SHQ1: variants seen among roughly 807,000 people sequenced by gnomAD.
SHQ1 encodes protein SHQ1 homolog.
A neutral mutation model predicts 53.8 loss-of-function variants in SHQ1; 49 were observed. The observed-to-expected ratio is 0.91, with a 90% CI of 0.72 to 1.16. The LOEUF is 1.16. SHQ1 is among the 50% of genes most tolerant of loss of function. SHQ1 has a pLI of 0.00. For synonymous variants in SHQ1, 243 were observed against 251.0 expected, an observed-to-expected ratio of 0.97 and a Z score of 0.30; for missense variants, 738 against 683.1, an observed-to-expected ratio of 1.08 and a Z score of -0.90.
chr3:72,750,364 C>A lies in SHQ1; in HGVS notation c.1654G>T (p.Val552Phe). 6.2e-7 allele frequency: 1 copy of A among 1,614,090 alleles called. No homozygotes were observed. The highest frequency in any genetic ancestry group is 8.5e-7 in the Non-Finnish European group (1 of 1,180,022). Residue 552 changes from valine (V) to phenylalanine (F), a missense_variant, in exon 11 of 11, where the codon GTT becomes TTT. By Grantham distance (50) the Val-to-Phe change is conservative (BLOSUM62 -1). Transcript: ENST00000325599. ...LGEQLKTTVQVSEPKGTTAVN... is the reference protein window; with the variant it reads ...LGEQLKTTVQFSEPKGTTAVN... ...GCAGTGGTGCCCTTGGGTTCAGAAACCTGAACTGTAGTCTTCAGTTGTTCC... is the reference window on the plus strand; with the variant it reads ...GCAGTGGTGCCCTTGGGTTCAGAAAACTGAACTGTAGTCTTCAGTTGTTCC...
the SHQ1 span, among the ~76,000 whole-genome samples, chr3:72,737,668 G>GT: frequency 6.6e-6 from 1 of 152,158 alleles, no homozygotes; most frequent in Non-Finnish European, 1.5e-5. Context: ...CTAATACAAT[G>GT]TAAGTGCTAT....
chr3:72,778,927 A>G (rs1341830451), intron 10 of SHQ1, among the ~76,000 whole-genome samples: 1 of 152,164 alleles, frequency 6.6e-6, no homozygotes, highest in African/African-American at 2.4e-5. Context: ...CTTCTTCCTC[A>G]TTCTCTAAAT....
intron 10 of SHQ1, among the ~76,000 whole-genome samples, chr3:72,763,056 CACACACAG>C (rs1238680997): frequency 1.3e-3 from 173 of 131,004 alleles, no homozygotes; most frequent in Middle Eastern, 3.6e-3. Context: ...CACACACACA[CACACACAG>C]AGAGAGAGAG....
rs553627721 is a variant in SHQ1, at chr3:72,778,675, T to C, written c.1181+14241A>G. 1.9e-3 allele frequency among the ~76,000 whole-genome samples: 286 copies of C among 152,222 alleles called. 1 individual carries two copies. The highest frequency in any genetic ancestry group is 6.6e-3 in the African/African-American group (273 of 41,532). On this transcript the variant is annotated intron_variant, in intron 10 of 10. Coordinates refer to ENST00000325599, the MANE Select transcript of SHQ1 (RefSeq NM_018130.3). Reference sequence around the variant, plus strand: ...AACACATACAAACGGCAAACCTCCATAGATAACTGAACCCAGTAGTTCATT... The same window carrying C: ...AACACATACAAACGGCAAACCTCCACAGATAACTGAACCCAGTAGTTCATT...
chr3:72,813,760 CAAAAAAAAA>C (rs757465696), intron 8 of SHQ1, among the ~76,000 whole-genome samples: 1 of 40,526 alleles, frequency 2.5e-5, no homozygotes, highest in African/African-American at 9.1e-5. Flanking sequence ...GACACCATCT[CAAAAAAAAA>C]AAAAAAAAAA....
intron 10 of SHQ1, among the ~76,000 whole-genome samples, chr3:72,776,350 T>C (rs996693527): frequency 5.9e-5 from 9 of 152,196 alleles, no homozygotes; most frequent in African/African-American, 2.2e-4. Flanking sequence ...TACCACTGTG[T>C]TACAACTGTC....
chr3:72,771,753 G>A (rs1202787041), intron 10 of SHQ1, among the ~76,000 whole-genome samples: 3 of 152,222 alleles, frequency 2.0e-5, no homozygotes, highest in South Asian at 2.1e-4. Flanking sequence ...GAGGTTGATC[G>A]GGAAGACTGA....
intron 4 of SHQ1, among the ~76,000 whole-genome samples, chr3:72,840,797 T>C (rs1708156860): frequency 6.6e-6 from 1 of 152,140 alleles, no homozygotes; most frequent in African/African-American, 2.4e-5. Context: ...ACTTCATGTC[T>C]AGAATACTGA....
chr3:72,836,779 T>A (rs952278611), intron 4 of SHQ1, among the ~76,000 whole-genome samples: 1 of 152,020 alleles, frequency 6.6e-6, no homozygotes, highest in East Asian at 1.9e-4. Flanking sequence ...TCAACTACAG[T>A]AGGAAAAAAA....
intron 9 of SHQ1, among the ~76,000 whole-genome samples, chr3:72,810,155 CAT>C (rs535797944): frequency 1.7e-3 from 264 of 152,258 alleles, no homozygotes; most frequent in Middle Eastern, 3.4e-3. Flanking sequence ...AAAAAGGAGT[CAT>C]GTGCCCCAAG....
chr3:72,742,201 A>G, the SHQ1 span, among the ~76,000 whole-genome samples: 1,986 of 139,586 alleles, frequency 0.014, 47 homozygotes, highest in African/African-American at 0.048. Context: ...CTATCTCTTA[A>G]AAAAAAAAAA....
chr3:72,788,402 C>T lies in SHQ1; in HGVS notation c.1181+4514G>A, dbSNP rs567151581. ...GAGGTGAGGAGCATCTCTGACCAGC[C>T]GCCCCGTCTGAGAAGTGAGGAGCCT... On this transcript the variant is annotated intron_variant, in intron 10 of 10. Coordinates refer to ENST00000325599, the MANE Select transcript of SHQ1 (RefSeq NM_018130.3). Among the ~76,000 whole-genome samples, 846 of 151,788 alleles carry T rather than the reference C, an allele frequency of 5.6e-3. 8 individuals carry two copies. Among genetic ancestry groups the T allele is most frequent in the African/African-American group, 0.018 (750 of 41,352 alleles).
intron 10 of SHQ1, 108 bp downstream of exon 10, chr3:72,792,808 A>G: frequency 1.2e-6 from 1 of 813,978 alleles, no homozygotes; most frequent in Admixed American, 3.3e-5. Flanking sequence ...AAAAAAAAAA[A>G]AAACACAACT....
At chr3:72,728,366 T>C in the SHQ1 span, among the ~76,000 whole-genome samples, 1 of 152,200 alleles carries the variant, frequency 6.6e-6, no homozygotes, top group Non-Finnish European at 1.5e-5. Flanking sequence ...AGGTGACATG[T>C]GGGCTCGATT....
At chr3:72,765,557 A>ATTTTTTTTT (rs61074795) in intron 10 of SHQ1, among the ~76,000 whole-genome samples, 11 of 57,182 alleles carry the variant, frequency 1.9e-4, no homozygotes, top group African/African-American at 8.7e-4. Flanking sequence ...ATATATATAT[A>ATTTTTTTTT]TTTTTTTTTT....
At chr3:72,761,885 TAGAG>T (rs1233448283) in intron 10 of SHQ1, among the ~76,000 whole-genome samples, 1 of 152,248 alleles carries the variant, frequency 6.6e-6, no homozygotes, top group African/African-American at 2.4e-5. Context: ...CACAATTATA[TAGAG>T]AGTCATTTAC....
intron 9 of SHQ1, among the ~76,000 whole-genome samples, chr3:72,811,386 T>G (rs548930691): frequency 2.6e-5 from 4 of 152,200 alleles, no homozygotes; most frequent in African/African-American, 9.6e-5. Context: ...TTATAGTAGA[T>G]TGATTTTCCA....
intron 9 of SHQ1, among the ~76,000 whole-genome samples, chr3:72,806,459 C>T (rs1184008389): frequency 6.6e-6 from 1 of 151,978 alleles, no homozygotes; most frequent in Non-Finnish European, 1.5e-5. Flanking sequence ...AAAAAAAGTT[C>T]AAGAACAATT....
At chr3:72,776,603 T>A (rs1365513269) in intron 10 of SHQ1, among the ~76,000 whole-genome samples, 1 of 152,076 alleles carries the variant, frequency 6.6e-6, no homozygotes, top group East Asian at 1.9e-4. Context: ...AGTATTTACA[T>A]CAGCAATAAA....
Sources: gnomAD v4.1 joint callset for allele counts (sites outside exome capture counted in the v4.1 genomes callset) on GRCh38, gnomAD v4.1.1 for gene constraint, MANE v1.5 for transcripts, NCBI Gene and HGNC (gene_info 2026-07-23, HGNC 2026-07-21) for gene names.